Variants in PLCB4 observed in about 807,000 individuals in gnomAD.
PLCB4 encodes phospholipase C beta 4.
In PLCB4, 77 loss-of-function variants were observed where a neutral mutation model predicts 178.8. The observed-to-expected ratio is 0.43, with a 90% CI of 0.36 to 0.52. The LOEUF is 0.52. PLCB4 is among the 20% of genes least tolerant of loss of function. PLCB4 has a pLI of 0.00. For missense variants in PLCB4, 1,024 were observed against 1,453.4 expected (o/e 0.70, Z 4.80); for synonymous variants, 496 against 490.8 (o/e 1.01, Z -0.14).
At chr20:9,439,622 C>A (rs940496341) in intron 30 of PLCB4, among the ~76,000 whole-genome samples, 5 of 152,098 alleles carry the variant, frequency 3.3e-5, no homozygotes, top group African/African-American at 1.2e-4. Flanking sequence ...ATAGAATGAT[C>A]CACAGGAAAT....
intron 38 of PLCB4, 107 bp from the exon 39 acceptor site, chr20:9,476,610 C>T: frequency 1.2e-5 from 9 of 759,802 alleles, no homozygotes; most frequent in African/African-American, 3.5e-5. Flanking sequence ...TTTTGCTTTT[C>T]TGTATATGGT....
chr20:9,132,982 C>T (rs7269227), intron 2 of PLCB4, among the ~76,000 whole-genome samples: 29,936 of 151,960 alleles, frequency 0.2, 3,923 homozygotes, highest in East Asian at 0.55. Flanking sequence ...GACCACCCCC[C>T]GACAACAAGG....
rs193243299 is a variant in PLCB4, at chr20:9,183,300, C to T, written c.-78-34090C>T. 1.5e-4 allele frequency among the ~76,000 whole-genome samples: 23 copies of T among 152,226 alleles called. No individual in the cohort carries two copies. In the East Asian group the frequency reaches 2.1e-3, roughly 14 times the overall value. Reference sequence around the variant, plus strand: ...ACTAAGCCCATCTCCCACTACACAACGGCCACATTTCCCTCCCTCCCTCAG... The same window carrying T: ...ACTAAGCCCATCTCCCACTACACAATGGCCACATTTCCCTCCCTCCCTCAG... On this transcript the variant is annotated intron_variant, in intron 2 of 39. Transcript: ENST00000378473.
chr20:9,319,746 C>T (rs981802654), intron 4 of PLCB4, among the ~76,000 whole-genome samples: 42 of 152,268 alleles, frequency 2.8e-4, no homozygotes, highest in African/African-American at 9.9e-4. Context: ...CTCCTGTATT[C>T]GGCAGATCTT....
chr20:9,423,958 A>C lies in PLCB4; in HGVS notation c.2524+6A>C. 6.4e-7 allele frequency: 1 copy of C among 1,567,290 alleles called. No homozygotes were observed. The highest frequency in any genetic ancestry group is 8.8e-7 in the Non-Finnish European group (1 of 1,139,734). On this transcript the variant is annotated splice_donor_region_variant and intron_variant, in intron 28 of 39. Coordinates refer to ENST00000378473, the MANE Select transcript of PLCB4 (RefSeq NM_001377142.1). ...TGTGCCTGATGGATTTGGAGGTAAG[A>C]TAAACATTTGGGTACGGAATATGAT... is the stretch of plus-strand genomic sequence containing the variant.
chr20:9,308,326 T>C (rs1202469487), intron 4 of PLCB4, among the ~76,000 whole-genome samples: 1 of 152,218 alleles, frequency 6.6e-6, no homozygotes, highest in East Asian at 1.9e-4. Context: ...TTCATTGATA[T>C]AAACCATTTT....
intron 3 of PLCB4, among the ~76,000 whole-genome samples, chr20:9,290,075 G>C (rs1490888538): frequency 6.6e-6 from 1 of 151,640 alleles, no homozygotes; most frequent in East Asian, 2.0e-4. Context: ...TGGTCTCCAG[G>C]TCAGGCCGTT....
chr20:9,369,954 C>T (rs914262015), intron 9 of PLCB4, among the ~76,000 whole-genome samples: 3 of 152,138 alleles, frequency 2.0e-5, no homozygotes, highest in East Asian at 3.9e-4. Context: ...TTCTGAATGT[C>T]GAGTTAAAAT....
rs1473292219 is a variant in PLCB4 at position 9,453,411 on chromosome 20, A to G, written c.2945A>G (p.Lys982Arg). 6.2e-7 allele frequency: 1 copy of G among 1,613,024 alleles called. No individual in the cohort carries two copies. The change falls in exon 33 of 40, where the codon AAA (lysine) becomes AGA (arginine). Residue 982 changes from lysine to arginine, a missense_variant. Coordinates refer to ENST00000378473, the MANE Select transcript of PLCB4 (RefSeq NM_001377142.1). Reference protein sequence around the residue: ...QVDKIVAQYDKEKSTHEKILE... With the variant: ...QVDKIVAQYDREKSTHEKILE... ...GACAAAATTGTGGCACAGTATGACA[A>G]AGAGAAGTCGACTCATGAGAAAATC...
intron 3 of PLCB4, among the ~76,000 whole-genome samples, chr20:9,245,737 G>T (rs1222891958): frequency 6.1e-5 from 9 of 147,332 alleles, no homozygotes; most frequent in African/African-American, 1.7e-4. Flanking sequence ...TATCTGGTGG[G>T]TTTTTTTTTT....
In PLCB4 at chr20:9,449,447, C is replaced by T. The variant is rs138642577; in HGVS notation, c.2881-3900C>T. 8.8e-3 allele frequency among the ~76,000 whole-genome samples: 1,334 copies of T among 152,232 alleles called. 25 individuals are homozygous for T. The highest frequency in any genetic ancestry group is 0.031 in the African/African-American group (1,273 of 41,528). On this transcript the variant is annotated intron_variant, in intron 32 of 39. Coordinates refer to ENST00000378473, the MANE Select transcript of PLCB4 (RefSeq NM_001377142.1). The stretch of plus-strand genomic sequence containing the variant: ...GGAGCACTCATCTCTATCCACAGGC[C>T]AAGTCAGTCTGAGCTACCACCATTG...
intron 3 of PLCB4, among the ~76,000 whole-genome samples, chr20:9,242,511 G>T (rs1483864128): frequency 6.6e-6 from 1 of 152,192 alleles, no homozygotes; most frequent in Non-Finnish European, 1.5e-5. Flanking sequence ...TCATCTGGGG[G>T]AATCTAACCA....
chr20:9,161,872 GA>G (rs1312941657), intron 2 of PLCB4, among the ~76,000 whole-genome samples: 1 of 152,102 alleles, frequency 6.6e-6, no homozygotes, highest in African/African-American at 2.4e-5. Context: ...TCTGTGATAC[GA>G]AAAGATAATT....
chr20:9,189,560 C>T (rs954980862), intron 2 of PLCB4, among the ~76,000 whole-genome samples: 16 of 152,206 alleles, frequency 1.1e-4, no homozygotes, highest in African/African-American at 2.2e-4. Context: ...GCAGCATCCC[C>T]GGACTCCACC....
chr20:9,435,659 A>G lies in PLCB4; in HGVS notation c.2613+11A>G, dbSNP rs575405994. ...ATGGGCATTGAAACTGTAAGTAGAA[A>G]TGGTTGATTAAAGGTGGCCAAGTTG... On this transcript the variant is annotated intron_variant, in intron 29 of 39. Coordinates refer to ENST00000378473, the MANE Select transcript of PLCB4 (RefSeq NM_001377142.1). 2.0e-6 allele frequency: 3 copies of G among 1,505,294 alleles called. No homozygotes were observed. The highest frequency in any genetic ancestry group is 2.7e-5 in the African/African-American group (2 of 72,900). 93.2% of individuals were successfully genotyped at this position (1,505,294 alleles called of 1,614,324 possible).
intron 2 of PLCB4, among the ~76,000 whole-genome samples, chr20:9,165,758 C>T (rs1224730403): frequency 2.0e-5 from 3 of 151,122 alleles, no homozygotes. Context: ...TTTATTGTAA[C>T]GCTGTCACCG....
chr20:9,350,326 A>G (rs1048173544), intron 7 of PLCB4, among the ~76,000 whole-genome samples: 4 of 152,178 alleles, frequency 2.6e-5, no homozygotes, highest in Middle Eastern at 3.2e-3. Flanking sequence ...GACACTGTTC[A>G]AAGTGCTTGA....
intron 7 of PLCB4, among the ~76,000 whole-genome samples, chr20:9,358,675 A>G (rs907833571): frequency 1.3e-5 from 2 of 152,142 alleles, no homozygotes; most frequent in African/African-American, 2.4e-5. Context: ...CGGACAGATC[A>G]TCTGAGGTCA....
intron 1 of PLCB4, among the ~76,000 whole-genome samples, chr20:9,071,290 C>T (rs1250513305): frequency 6.6e-6 from 1 of 152,216 alleles, no homozygotes; most frequent in African/African-American, 2.4e-5. Context: ...TTAATGTATA[C>T]TGCTGACTTT....
Sources: gnomAD v4.1 joint callset for allele counts (sites outside exome capture counted in the v4.1 genomes callset) on GRCh38, gnomAD v4.1.1 for gene constraint, MANE v1.5 for transcripts, NCBI Gene and HGNC (gene_info 2026-07-23, HGNC 2026-07-21) for gene names.